Variants in SLC41A3 observed in about 807,000 individuals in gnomAD.
SLC41A3 encodes the protein solute carrier family 41 member 3.
In SLC41A3, 44 loss-of-function variants were observed where a neutral mutation model predicts 45.4. The observed-to-expected ratio is 0.97, with a 90% CI of 0.76 to 1.25. The LOEUF (loss-of-function observed/expected upper bound fraction) is 1.25. SLC41A3 is among the 50% of genes most tolerant of loss of function. The pLI is 0.00. For missense variants in SLC41A3, 550 were observed against 600.6 expected (o/e 0.92, Z 0.88); for synonymous variants, 256 against 252.4 (o/e 1.01, Z -0.13).
chr3:126,026,330 C>A lies in SLC41A3; in HGVS notation c.598+5G>T. The A allele has an allele frequency of 6.4e-7, 1 of 1,558,136 alleles. No homozygotes were observed. Among genetic ancestry groups the A allele is most frequent in the Non-Finnish European group, 8.7e-7 (1 of 1,150,168 alleles). ...GTGGGGGCTCACAGCTGGGGCATGG[C>A]TCACCCAGGGCAAAGGCTGCAAGGA... On this transcript the variant is annotated splice_donor_5th_base_variant and intron_variant, in intron 5 of 10. Coordinates refer to ENST00000360370, the MANE Select transcript of SLC41A3 (RefSeq NM_017836.4). The surrounding 1 kb of genome is among the most constrained non-coding windows in gnomAD (Gnocchi z 4.2).
At chr3:126,046,930 C>T (rs1246303391) in intron 3 of SLC41A3, among the ~76,000 whole-genome samples, 2 of 148,500 alleles carry the variant, frequency 1.3e-5, no homozygotes, top group Non-Finnish European at 3.0e-5. Flanking sequence ...CAACTGCACT[C>T]CAGCCTGGGC....
At chr3:126,025,010 T>C (rs1365340402) in intron 5 of SLC41A3, 2 of 152,264 alleles carry the variant, frequency 1.3e-5, no homozygotes, top group African/African-American at 4.8e-5. Flanking sequence ...ATGGTCACTT[T>C]AGTGTTGGTC....
intron 1 of SLC41A3, among the ~76,000 whole-genome samples, chr3:126,093,673 A>G (rs1945538241): frequency 6.6e-6 from 1 of 152,256 alleles, no homozygotes; most frequent in African/African-American, 2.4e-5. Flanking sequence ...AAATTGTTAT[A>G]TCTACTTCTG....
chr3:126,007,244 G>C lies in SLC41A3; in HGVS notation c.1255-19C>G, dbSNP rs1056203937. 4 of 1,611,752 alleles carry C rather than the reference G, an allele frequency of 2.5e-6. No homozygotes were observed. Among genetic ancestry groups the C allele is most frequent in the Non-Finnish European group, 2.5e-6 (3 of 1,178,730 alleles). ...TTGTCACCTGTCAGAAGGGCAAAGA[G>C]ACACAAAAGAAGACCAAGTCAGAAA... On this transcript the variant is annotated intron_variant, in intron 10 of 10. Transcript: ENST00000360370.
At chr3:126,007,618 A>G (rs1369572378) in intron 10 of SLC41A3, among the ~76,000 whole-genome samples, 1 of 152,154 alleles carries the variant, frequency 6.6e-6, no homozygotes, top group Non-Finnish European at 1.5e-5. Flanking sequence ...TGAAGGTGCC[A>G]TGGGGTAGTC....
intron 1 of SLC41A3, among the ~76,000 whole-genome samples, chr3:126,068,904 G>A (rs1475114682): frequency 6.6e-6 from 1 of 152,152 alleles, no homozygotes; most frequent in Admixed American, 6.5e-5. Flanking sequence ...TTCACCTGGT[G>A]CAAAACCTTT....
intron 6 of SLC41A3, among the ~76,000 whole-genome samples, chr3:126,017,187 G>A (rs1940384224): frequency 6.6e-6 from 1 of 152,224 alleles, no homozygotes. Flanking sequence ...GAAGTACAAT[G>A]TATGGAATGC....
rs1030520512 is a variant in SLC41A3 at position 126,026,612 on chromosome 3, C to T, written c.454-133G>A. ...CCTCCTTTCCCTTACCCTAAAATCT[C>T]ACAGGCCCTCACCCCAGGAAAAACT... On this transcript the variant is annotated intron_variant, in intron 4 of 10. Transcript: ENST00000360370. This position sits in a 1 kb window ranked among gnomAD's most constrained non-coding sequence, Gnocchi z 4.2. The T allele has an allele frequency of 5.0e-6, 6 of 1,197,242 alleles. No individual in the cohort carries two copies. In the Admixed American group the frequency reaches 1.5e-4, roughly 30 times the overall value. The allele number at this position is 1,197,242 out of a possible 1,614,324, so 74.2% of individuals were successfully genotyped here. A position where few individuals can be genotyped will look rare whatever the true frequency, so the allele number is the denominator to read the frequency against.
intron 2 of SLC41A3, among the ~76,000 whole-genome samples, chr3:126,065,645 G>A (rs1944312259): frequency 6.6e-6 from 1 of 152,216 alleles, no homozygotes; most frequent in South Asian, 2.1e-4. Context: ...TGTATAAAAA[G>A]CAGCTTCTGT....
chr3:126,084,710 G>C (rs1433872279), upstream of SLC41A3, among the ~76,000 whole-genome samples: 1 of 152,116 alleles, frequency 6.6e-6, no homozygotes, highest in African/African-American at 2.4e-5. Context: ...CCCAGTCCGG[G>C]CCTGAGGGAG....
chr3:126,099,010 A>T (rs993023634), intron 1 of SLC41A3, among the ~76,000 whole-genome samples: 2 of 141,012 alleles, frequency 1.4e-5, no homozygotes, highest in Non-Finnish European at 3.0e-5. Context: ...AAAGTGATCC[A>T]CCCGCCTCAG....
At chr3:126,067,564 T>C (rs1172528817) in intron 2 of SLC41A3, 1 of 451,586 alleles carries the variant, frequency 2.2e-6, no homozygotes, top group Non-Finnish European at 4.4e-6. Context: ...AACACCTTGA[T>C]CTTGGACTTC....
chr3:126,031,535 C>T (rs1041678782), intron 4 of SLC41A3, among the ~76,000 whole-genome samples: 10 of 152,154 alleles, frequency 6.6e-5, no homozygotes, highest in African/African-American at 1.4e-4. Flanking sequence ...CACATTTATA[C>T]GACAGAATAT....
upstream of SLC41A3, among the ~76,000 whole-genome samples, chr3:126,086,408 G>GGTTTTTTT (rs776330275): frequency 4.0e-3 from 84 of 21,166 alleles, 2 homozygotes; most frequent in Non-Finnish European, 8.0e-3. Flanking sequence ...TTGTTTTCTT[G>GGTTTTTTT]TTTTTTTTTT....
chr3:126,067,107 CG>C lies in SLC41A3; in HGVS notation c.273+839del, dbSNP rs1559877931. On this transcript the variant is annotated intron_variant, in intron 2 of 10. Transcript: ENST00000360370. ...TGGGTTGGACCGCCCCCCCGCCCCCCGCCCCGGCCACCGCACCACTAAGCAG... is the reference window on the plus strand; with the variant it reads ...TGGGTTGGACCGCCCCCCCGCCCCCCCCCCGGCCACCGCACCACTAAGCAG... 2.1e-3 allele frequency among the ~76,000 whole-genome samples: 291 copies of C among 135,572 alleles called. 10 individuals are homozygous for C. The highest frequency in any genetic ancestry group is 5.7e-3 in the African/African-American group (198 of 35,042). 88.9% of individuals were successfully genotyped at this position (135,572 alleles called of 152,430 possible).
chr3:126,033,368 G>T (rs1453759419), intron 4 of SLC41A3, among the ~76,000 whole-genome samples: 1 of 148,454 alleles, frequency 6.7e-6, no homozygotes, highest in African/African-American at 2.5e-5. Context: ...CAAGAAGTGG[G>T]GCTTGGAAAG....
intron 5 of SLC41A3, chr3:126,025,034 G>C (rs1248477973): frequency 6.6e-6 from 1 of 152,214 alleles, no homozygotes; most frequent in Non-Finnish European, 1.5e-5. Flanking sequence ...GGAGGCCTCA[G>C]GACAAAAGCG....
At chr3:126,081,275 A>G (rs1945137338) in intron 1 of SLC41A3, among the ~76,000 whole-genome samples, 1 of 152,210 alleles carries the variant, frequency 6.6e-6, no homozygotes, top group Non-Finnish European at 1.5e-5. Flanking sequence ...GACAAACATC[A>G]CATGGCCTCA....
chr3:126,088,503 A>T (rs1480808013), upstream of SLC41A3, among the ~76,000 whole-genome samples: 2 of 152,218 alleles, frequency 1.3e-5, no homozygotes, highest in Non-Finnish European at 2.9e-5. Context: ...GGTGAAGTTT[A>T]TAAAACACAA....
Sources: allele counts gnomAD v4.1 joint callset (sites outside exome capture counted in the v4.1 genomes callset), GRCh38; gene constraint gnomAD v4.1.1; non-coding constraint Gnocchi (gnomAD v3.1); transcripts MANE v1.5; gene names NCBI Gene and HGNC (gene_info 2026-07-23, HGNC 2026-07-21).